Variants in EFEMP1 observed in about 807,000 individuals in gnomAD.
The protein encoded by EFEMP1 is EGF-like fibulin extracellular matrix protein 1, also known as EGF-containing fibulin-like extracellular matrix protein 1.
In EFEMP1, 18 loss-of-function variants were observed where a neutral mutation model predicts 65.7. The observed-to-expected ratio is 0.27, with a 90% CI of 0.19 to 0.41. EFEMP1 has a LOEUF of 0.41. Among genes scored for constraint, EFEMP1 ranks in the 10% least tolerant of loss-of-function variants. The pLI, the probability that EFEMP1 is intolerant of heterozygous loss-of-function variation, is 1.00. For synonymous variants in EFEMP1, 237 were observed against 219.7 expected (o/e 1.08, Z -0.70); for missense variants, 469 against 624.8 (o/e 0.75, Z 2.66).
chr2:55,920,655 A>T (rs1187835335), intron 3 of EFEMP1, among the ~76,000 whole-genome samples: 1 of 152,240 alleles, frequency 6.6e-6, no homozygotes, highest in Non-Finnish European at 1.5e-5. Flanking sequence ...CTAGACATTT[A>T]ATGTCAGTGT....
Position 55,866,275 on chromosome 2 carries a change from A to C in EFEMP1, c.*798T>G, listed in dbSNP as rs978829493. 6.6e-6 allele frequency: 1 copy of C among 152,190 alleles called. No individual in the cohort carries two copies. The highest frequency in any genetic ancestry group is 1.5e-5 in the Non-Finnish European group (1 of 68,040). The allele number at this position is 152,190 out of a possible 1,614,324, so 9.4% of individuals were successfully genotyped here. ...ATCCATTTTGTTCTGCATCTTGTGG[A>C]AGTCCTGAATTCAGGGATGTTATTA... On this transcript the variant is annotated 3_prime_UTR_variant, in exon 12 of 12. Coordinates refer to ENST00000355426, the MANE Select transcript of EFEMP1 (RefSeq NM_001039348.3).
chr2:55,914,958 T>A (rs1572847006), intron 5 of EFEMP1, among the ~76,000 whole-genome samples: 2 of 152,356 alleles, frequency 1.3e-5, no homozygotes, highest in East Asian at 3.9e-4. Context: ...GTCATACATC[T>A]GCAGGCAATT....
At chr2:55,904,612 G>A (rs1178900397) in intron 5 of EFEMP1, among the ~76,000 whole-genome samples, 1 of 152,144 alleles carries the variant, frequency 6.6e-6, no homozygotes, top group Non-Finnish European at 1.5e-5. Flanking sequence ...TCTTGAGAGG[G>A]GACATCCATC....
intron 6 of EFEMP1, 61 bp downstream of exon 6, chr2:55,881,551 T>C: frequency 6.2e-7 from 1 of 1,608,006 alleles, no homozygotes; most frequent in Non-Finnish European, 8.5e-7. Flanking sequence ...TTGGAATGCT[T>C]GAGGTTGAAA....
At chr2:55,872,946 G>A (rs1293698458) in intron 9 of EFEMP1, among the ~76,000 whole-genome samples, 11 of 151,908 alleles carry the variant, frequency 7.2e-5, no homozygotes, top group Admixed American at 7.2e-4. Context: ...TTAATGTAGA[G>A]CCTAGCATAA....
chr2:55,923,037 A>C lies in EFEMP1; in HGVS notation c.-48-98T>G. 1.3e-5 allele frequency: 10 copies of C among 793,522 alleles called. No homozygotes were observed. Among genetic ancestry groups the C allele is most frequent in the African/African-American group, 1.9e-5 (1 of 53,522 alleles). The allele number at this position is 793,522 out of a possible 1,614,324, so 49.2% of individuals were successfully genotyped here. On this transcript the variant is annotated intron_variant, in intron 1 of 11. Coordinates refer to ENST00000355426, the MANE Select transcript of EFEMP1 (RefSeq NM_001039348.3). The surrounding 1 kb of genome is among the most constrained non-coding windows in gnomAD (Gnocchi z 5.3). ...AGAGCAATCTTCCAGTTCTAGTAGAATACTAGACCTTCTCACATGTCTCAG... is the reference window on the plus strand; with the variant it reads ...AGAGCAATCTTCCAGTTCTAGTAGACTACTAGACCTTCTCACATGTCTCAG...
chr2:55,884,174 C>T (rs3791675), intron 5 of EFEMP1, among the ~76,000 whole-genome samples: 32,678 of 152,118 alleles, frequency 0.21, 4,818 homozygotes, highest in East Asian at 0.76. Flanking sequence ...ATGCTAAAGG[C>T]TATAAACAGA....
At chr2:55,872,576 A>T (rs1428562149) in intron 9 of EFEMP1, among the ~76,000 whole-genome samples, 1 of 152,096 alleles carries the variant, frequency 6.6e-6, no homozygotes, top group Non-Finnish European at 1.5e-5. Context: ...AAAAACAAAT[A>T]AGGGTTTAGT....
At chr2:55,875,559 A>T (rs1330263924) in intron 8 of EFEMP1, among the ~76,000 whole-genome samples, 1 of 152,144 alleles carries the variant, frequency 6.6e-6, no homozygotes, top group African/African-American at 2.4e-5. Flanking sequence ...TCTTATCATG[A>T]CTTTTACTGA....
chr2:55,874,876 C>A lies in EFEMP1; in HGVS notation c.1000+70G>T, dbSNP rs75480528. 8.9e-5 allele frequency: 135 copies of A among 1,518,476 alleles called. No individual in the cohort carries two copies. In the African/African-American group the frequency reaches 1.7e-3, roughly 19 times the overall value. The allele number at this position is 1,518,476 out of a possible 1,614,324, so 94.1% of individuals were successfully genotyped here. A position where few individuals can be genotyped will look rare whatever the true frequency, so the allele number is the denominator to read the frequency against. Reference sequence around the variant, plus strand: ...AAAAATGAAAGTCTATAGGAGAATCCTATAACTTCCTCTTGTCTCTTCCTG... The same window carrying A: ...AAAAATGAAAGTCTATAGGAGAATCATATAACTTCCTCTTGTCTCTTCCTG... On this transcript the variant is annotated intron_variant, in intron 9 of 11. Coordinates refer to ENST00000355426, the MANE Select transcript of EFEMP1 (RefSeq NM_001039348.3).
chr2:55,885,140 T>C lies in EFEMP1; in HGVS notation c.518-3406A>G, dbSNP rs1669379386. Among the ~76,000 whole-genome samples the C allele has an allele frequency of 6.6e-6, 1 of 152,182 alleles. No individual in the cohort carries two copies. Among genetic ancestry groups the C allele is most frequent in the African/African-American group, 2.4e-5 (1 of 41,440 alleles). ...CCAGGAGTGCAGAGGCTATGAGGTA[T>C]AAAGCAGATTCGCCAGAAGAGGTGG... is the stretch of plus-strand genomic sequence containing the variant. On this transcript the variant is annotated intron_variant, in intron 5 of 11. Coordinates refer to ENST00000355426, the MANE Select transcript of EFEMP1 (RefSeq NM_001039348.3). The surrounding 1 kb of genome is among the most constrained non-coding windows in gnomAD (Gnocchi z 4.3).
chr2:55,904,425 G>T (rs1337014771), intron 5 of EFEMP1, among the ~76,000 whole-genome samples: 1 of 152,214 alleles, frequency 6.6e-6, no homozygotes, highest in Non-Finnish European at 1.5e-5. Context: ...GGGATGCCTA[G>T]ATAGCTGTTA....
chr2:55,880,030 G>A (rs181707545), intron 6 of EFEMP1, among the ~76,000 whole-genome samples: 135 of 152,238 alleles, frequency 8.9e-4, no homozygotes, highest in Middle Eastern at 3.4e-3. Flanking sequence ...AGGAGGGAAT[G>A]TTTTTGTTGT....
intron 3 of EFEMP1, among the ~76,000 whole-genome samples, chr2:55,920,927 G>A (rs1296278971): frequency 6.6e-6 from 1 of 152,044 alleles, no homozygotes; most frequent in African/African-American, 2.4e-5. Flanking sequence ...AGCACAAAAG[G>A]GTAACATATC....
Position 55,921,428 on chromosome 2 carries a change from TC to T in EFEMP1, c.81+931del, listed in dbSNP as rs1670902585. On this transcript the variant is annotated intron_variant, in intron 3 of 11. Transcript: ENST00000355426. The surrounding 1 kb of genome is among the most constrained non-coding windows in gnomAD (Gnocchi z 4.1). ...GACATTAGTTCATTTTTAAGAGTTTTCTTTTCAAAAATTTTTCACATTCTTT... is the reference window on the plus strand; with the variant it reads ...GACATTAGTTCATTTTTAAGAGTTTTTTTTCAAAAATTTTTCACATTCTTT... Among the ~76,000 whole-genome samples the T allele has an allele frequency of 6.6e-6, 1 of 152,266 alleles. No homozygotes were observed. Among genetic ancestry groups the T allele is most frequent in the Non-Finnish European group, 1.5e-5 (1 of 68,036 alleles).
In EFEMP1 at chr2:55,870,179, C is replaced by T. The variant is rs1211245529; in HGVS notation, c.1320+541G>A. 6.6e-6 allele frequency among the ~76,000 whole-genome samples: 1 copy of T among 152,058 alleles called. No homozygotes were observed. Among genetic ancestry groups the T allele is most frequent in the Non-Finnish European group, 1.5e-5 (1 of 68,020 alleles). ...TGCGGGGAGGTGGGGTCACTTCTCA[C>T]ATACTTATAGGTTTTAGTTTCGGTG... is the stretch of plus-strand genomic sequence containing the variant. On this transcript the variant is annotated intron_variant, in intron 11 of 11. Transcript: ENST00000355426. This position sits in a 1 kb window ranked among gnomAD's most constrained non-coding sequence, Gnocchi z 5.8.
chr2:55,916,899 G>T (rs1670710839), intron 5 of EFEMP1, among the ~76,000 whole-genome samples: 1 of 152,238 alleles, frequency 6.6e-6, no homozygotes, highest in Admixed American at 6.5e-5. Flanking sequence ...GCCTACAGCT[G>T]TTTCTAGAAT....
chr2:55,897,234 C>G (rs916472938), intron 5 of EFEMP1, among the ~76,000 whole-genome samples: 2 of 152,158 alleles, frequency 1.3e-5, no homozygotes, highest in Admixed American at 1.3e-4. Flanking sequence ...TTACTAGTTA[C>G]TTAATTCAGG....
At chr2:55,898,138 AG>A (rs1428870523) in intron 5 of EFEMP1, among the ~76,000 whole-genome samples, 7 of 152,232 alleles carry the variant, frequency 4.6e-5, no homozygotes, top group African/African-American at 1.7e-4. Context: ...TGAGGCAGAG[AG>A]GCTGATTGTT....
Sources: allele counts gnomAD v4.1 joint callset (sites outside exome capture counted in the v4.1 genomes callset), GRCh38; gene constraint gnomAD v4.1.1; non-coding constraint Gnocchi (gnomAD v3.1); transcripts MANE v1.5; gene names NCBI Gene and HGNC (gene_info 2026-07-23, HGNC 2026-07-21).